The following SAMTOR variants were observed in gnomAD, a reference collection of about 807,000 sequenced individuals.
SAMTOR encodes the protein UPF0532 protein C7orf60.
the SAMTOR span, among the ~76,000 whole-genome samples, chr7:112,824,015 G>C: frequency 1.3e-5 from 2 of 152,062 alleles, no homozygotes; most frequent in South Asian, 4.1e-4. Context: ...TAATTGGGTT[G>C]CTTTAAATAA....
chr7:112,908,214 A>G, the SAMTOR span, among the ~76,000 whole-genome samples: 1 of 152,220 alleles, frequency 6.6e-6, no homozygotes, highest in Non-Finnish European at 1.5e-5. Context: ...TAAATAAAGC[A>G]GACTGCCTTT....
chr7:112,887,517 G>C, the SAMTOR span, among the ~76,000 whole-genome samples: 1 of 152,062 alleles, frequency 6.6e-6, no homozygotes, highest in Non-Finnish European at 1.5e-5. Flanking sequence ...GTAGAGAACT[G>C]GTATTCTTCC....
chr7:112,857,079 CTTTTTTTTTTTTT>C, the SAMTOR span, among the ~76,000 whole-genome samples: 5 of 105,782 alleles, frequency 4.7e-5, no homozygotes, highest in African/African-American at 1.1e-4. Context: ...TTCTTTTAAT[CTTTTTTTTTTTTT>C]TTTTTTTTTT....
At chr7:112,834,319 T>C in the SAMTOR span, among the ~76,000 whole-genome samples, 2 of 152,218 alleles carry the variant, frequency 1.3e-5, no homozygotes, top group Non-Finnish European at 2.9e-5. Context: ...GTTGGAGTTA[T>C]ATTCCTTGGT....
chr7:112,905,281 C>T, the SAMTOR span, among the ~76,000 whole-genome samples: 2 of 152,104 alleles, frequency 1.3e-5, no homozygotes, highest in Non-Finnish European at 2.9e-5. Flanking sequence ...CAGTATGTCC[C>T]CTTCTCTCAG....
the SAMTOR span, among the ~76,000 whole-genome samples, chr7:112,917,967 T>A: frequency 6.6e-6 from 1 of 152,286 alleles, no homozygotes; most frequent in African/African-American, 2.4e-5. Flanking sequence ...CAAATCTATG[T>A]CTGATTGGTG....
chr7:112,920,620 A>G, the SAMTOR span, among the ~76,000 whole-genome samples: 2 of 147,152 alleles, frequency 1.4e-5, no homozygotes, highest in Non-Finnish European at 3.0e-5. Flanking sequence ...CAGGAGAAGG[A>G]AATAAAGGGT....
chr7:112,915,466 A>G, the SAMTOR span: 53 of 1,565,598 alleles, frequency 3.4e-5, no homozygotes, highest in African/African-American at 2.9e-4. Context: ...AAAGTGATAA[A>G]TGAATTAAGT....
At chr7:112,922,565 A>G in the SAMTOR span, among the ~76,000 whole-genome samples, 5,033 of 147,956 alleles carry the variant, frequency 0.034, 162 homozygotes, top group African/African-American at 0.076. Flanking sequence ...GTCTCTACCC[A>G]GCCGCCCATC....
the SAMTOR span, among the ~76,000 whole-genome samples, chr7:112,862,921 T>G: frequency 9.0e-5 from 12 of 133,510 alleles, no homozygotes; most frequent in African/African-American, 2.6e-4. Context: ...AGCGTGAGAC[T>G]CCAAAAAAAA....
chr7:112,884,797 T>G, the SAMTOR span, among the ~76,000 whole-genome samples: 3 of 152,132 alleles, frequency 2.0e-5, no homozygotes, highest in Non-Finnish European at 4.4e-5. Context: ...GGATGGTGGC[T>G]CTCTTCCTAA....
chr7:112,939,471 C>G, the SAMTOR span: 46 of 1,467,352 alleles, frequency 3.1e-5, no homozygotes, highest in Non-Finnish European at 4.0e-5. Flanking sequence ...GCAGCAGCGG[C>G]TGGGGGGACG....
At chr7:112,906,058 T>A in the SAMTOR span, among the ~76,000 whole-genome samples, 1 of 152,194 alleles carries the variant, frequency 6.6e-6, no homozygotes, top group Non-Finnish European at 1.5e-5. Flanking sequence ...ATGAAAATCA[T>A]CCATATATAT....
the SAMTOR span, among the ~76,000 whole-genome samples, chr7:112,906,831 A>G: frequency 1.3e-5 from 2 of 152,128 alleles, no homozygotes; most frequent in Admixed American, 6.5e-5. Flanking sequence ...CGGCCTCCCA[A>G]AGTGCTGGGA....
the SAMTOR span, among the ~76,000 whole-genome samples, chr7:112,922,828 G>A: frequency 2.0e-5 from 3 of 150,542 alleles, no homozygotes; most frequent in African/African-American, 7.3e-5. Context: ...CCGGGAGGGA[G>A]GTGGGGGGTC....
the SAMTOR span, among the ~76,000 whole-genome samples, chr7:112,865,610 A>C: frequency 0.022 from 3,168 of 147,078 alleles, 120 homozygotes; most frequent in African/African-American, 0.075. Context: ...TATTTCATAT[A>C]TATACATATA....
At chr7:112,869,514 T>C in the SAMTOR span, among the ~76,000 whole-genome samples, 6 of 149,888 alleles carry the variant, frequency 4.0e-5, no homozygotes, top group Non-Finnish European at 8.9e-5. Flanking sequence ...TGAAATCAAA[T>C]GATCATATTC....
the SAMTOR span, among the ~76,000 whole-genome samples, chr7:112,882,202 C>A: frequency 6.6e-6 from 1 of 152,224 alleles, no homozygotes; most frequent in Non-Finnish European, 1.5e-5. Context: ...CACTCACACA[C>A]CCCTTGCCAC....
chr7:112,920,351 CAT>C, the SAMTOR span, among the ~76,000 whole-genome samples: 1 of 151,796 alleles, frequency 6.6e-6, no homozygotes, highest in Non-Finnish European at 1.5e-5. Flanking sequence ...ACAAAAACCA[CAT>C]GATTATCTCA....
Sources: allele counts gnomAD v4.1 joint callset (sites outside exome capture counted in the v4.1 genomes callset), GRCh38; gene constraint gnomAD v4.1.1; transcripts MANE v1.5; gene names NCBI Gene and HGNC (gene_info 2026-07-23, HGNC 2026-07-21).